UGT1A4: variants seen among roughly 807,000 people sequenced by gnomAD.
UGT1A4 encodes UDP glucuronosyltransferase family 1 member A4, also known as UDP-glucuronosyltransferase 1A4.
UGT1A4 carries 32 observed loss-of-function variants against 41.1 expected under a neutral mutation model. That is an observed-to-expected ratio of 0.78 (90% CI 0.59 to 1.05). UGT1A4 has a LOEUF of 1.05. Ranked by LOEUF, UGT1A4 falls within the 50% of genes least tolerant of loss-of-function variation. UGT1A4 has a pLI of 0.00. For missense variants in UGT1A4, 748 were observed against 677.4 expected (o/e 1.10, Z -1.16); for synonymous variants, 283 against 265.1 (o/e 1.07, Z -0.66).
chr2:233,732,561 G>A (rs1386480566), intron 1 of UGT1A4, among the ~76,000 whole-genome samples: 1 of 152,180 alleles, frequency 6.6e-6, no homozygotes, highest in African/African-American at 2.4e-5. Context: ...ATTAAATAAG[G>A]AATCCTTTCC....
rs574966930 is a variant in UGT1A4 at position 233,766,325 on chromosome 2, G to A, written c.868-709G>A. ...CCTCCGACTGCCTCAGCCAAACTCC[G>A]CGTTGTTCTGCTGGTCAGTGGCCTG... On this transcript the variant is annotated intron_variant, in intron 1 of 4. Coordinates refer to ENST00000373409, the MANE Select transcript of UGT1A4 (RefSeq NM_007120.3). Among the ~76,000 whole-genome samples the A allele has an allele frequency of 2.9e-4, 44 of 152,228 alleles. 1 individual carries two copies. The highest frequency in any genetic ancestry group is 4.6e-4 in the Admixed American group (7 of 15,302).
rs182680267 is a variant in UGT1A4, at chr2:233,718,965, C to T, written c.145C>T (p.Arg49Trp). 112 of 1,614,172 alleles carry T rather than the reference C, an allele frequency of 6.9e-5. No homozygotes were observed. Among genetic ancestry groups the T allele is most frequent in the African/African-American group, 6.7e-4 (50 of 75,026 alleles). The change falls in exon 1 of 5, where the codon CGG becomes TGG. Residue 49 changes from arginine (R) to tryptophan (W), a missense_variant. Arg to Trp is a moderately radical substitution (Grantham distance 101). Transcript: ENST00000373409. The stretch of plus-strand genomic sequence containing the variant: ...CTGGCTCAGCATGCGGGAGGCCTTG[C>T]GGGAGCTCCATGCCAGAGGCCACCA... ...SPWLSMREAL[R>W]ELHARGHQAV... is the part of the protein sequence containing the mutation.
Position 233,772,354 on chromosome 2 carries a change from T to C in UGT1A4, c.1400T>C (p.Met467Thr). 1 of 1,614,252 alleles carries C rather than the reference T, an allele frequency of 6.2e-7. No individual in the cohort carries two copies. The highest frequency in any genetic ancestry group is 8.5e-7 in the Non-Finnish European group (1 of 1,180,050). ...GCCGTGTTCTGGGTGGAGTTTGTGATGAGGCACAAGGGCGCGCCACACCTG... is the reference window on the plus strand; with the variant it reads ...GCCGTGTTCTGGGTGGAGTTTGTGACGAGGCACAAGGGCGCGCCACACCTG... ...DLAVFWVEFV[M>T]RHKGAPHLRP... Residue 467 changes from methionine to threonine, a missense_variant, in exon 5 of 5, where the codon ATG becomes ACG. Transcript: ENST00000373409.
rs763548038 is a variant in UGT1A4, at chr2:233,772,319, G to T, written c.1365G>T (p.Pro455=). Residue 455 remains proline, a synonymous_variant, in exon 5 of 5, where the codon CCG becomes CCT. Coordinates refer to ENST00000373409, the MANE Select transcript of UGT1A4 (RefSeq NM_007120.3). ...SSLHKDRPVE[P]LDLAVFWVEF... ...TTCACAAGGACCGCCCGGTGGAGCC[G>T]CTGGACCTGGCCGTGTTCTGGGTGG... 6.2e-7 allele frequency: 1 copy of T among 1,614,164 alleles called. No homozygotes were observed. The highest frequency in any genetic ancestry group is 8.5e-7 in the Non-Finnish European group (1 of 1,180,030).
At chr2:233,757,558 A>ATATATATATATG (rs1553619909) in intron 1 of UGT1A4, among the ~76,000 whole-genome samples, 2 of 124,446 alleles carry the variant, frequency 1.6e-5, no homozygotes, top group East Asian at 4.2e-4. Context: ...ATATATATAT[A>ATATATATATATG]TATGTATATA....
rs370790922 is a variant in UGT1A4 at position 233,760,312 on chromosome 2, C to T, written c.868-6722C>T. ...CATGGCTGTGGAGTCCCAGGGCGGACGCCCACTTGTCCTGGGCCTGCTGCT... is the reference window on the plus strand; with the variant it reads ...CATGGCTGTGGAGTCCCAGGGCGGATGCCCACTTGTCCTGGGCCTGCTGCT... On this transcript the variant is annotated intron_variant, in intron 1 of 4. Coordinates refer to ENST00000373409, the MANE Select transcript of UGT1A4 (RefSeq NM_007120.3). 93 of 1,613,694 alleles carry T rather than the reference C, an allele frequency of 5.8e-5. No individual in the cohort carries two copies. Among genetic ancestry groups the T allele is most frequent in the South Asian group, 2.2e-5 (2 of 91,058 alleles).
At chr2:233,724,803 C>G (rs1387288842) in intron 1 of UGT1A4, among the ~76,000 whole-genome samples, 1 of 138,308 alleles carries the variant, frequency 7.2e-6, no homozygotes, top group Non-Finnish European at 1.5e-5. Flanking sequence ...GGGTGGCGGC[C>G]GGGCAGAGGC....
Position 233,740,185 on chromosome 2 carries a change from CCT to C in UGT1A4, c.867+20501_867+20502del, listed in dbSNP as rs573081380. On this transcript the variant is annotated intron_variant, in intron 1 of 4. Transcript: ENST00000373409. ...CATGTGGAACTGTGAGTCAATTAAA[CCT>C]CTTTCTTTTATAAATTACCCAGTCT... Among the ~76,000 whole-genome samples, 45 of 151,974 alleles carry C rather than the reference CCT, an allele frequency of 3.0e-4. 2 individuals are homozygous for C. Among genetic ancestry groups the C allele is most frequent in the African/African-American group, 9.9e-4 (41 of 41,240 alleles).
intron 4 of UGT1A4, chr2:233,771,569 G>A (rs1337987311): frequency 6.6e-6 from 1 of 152,150 alleles, no homozygotes; most frequent in Non-Finnish European, 1.5e-5. Flanking sequence ...GGCCAGAGGT[G>A]GTTGTTTACA....
rs775904501 is a variant in UGT1A4 at position 233,719,407 on chromosome 2, A to G, written c.587A>G (p.Lys196Arg). The G allele has an allele frequency of 6.8e-6, 11 of 1,613,816 alleles. No homozygotes were observed. The highest frequency in any genetic ancestry group is 5.3e-5 in the African/African-American group (4 of 74,906). Residue 196 changes from lysine to arginine, a missense_variant, in exon 1 of 5, where the codon AAG becomes AGG. Lys to Arg is a conservative substitution (Grantham distance 26). Coordinates refer to ENST00000373409, the MANE Select transcript of UGT1A4 (RefSeq NM_007120.3). ...QCPNPSSYIP[K>R]LLTTNSDHMT... Reference sequence around the variant, plus strand: ...CCAAATCCTTCCTCCTATATTCCTAAGTTACTAACGACCAATTCAGACCAC... The same window carrying G: ...CCAAATCCTTCCTCCTATATTCCTAGGTTACTAACGACCAATTCAGACCAC...
chr2:233,724,264 C>T (rs1250827727), intron 1 of UGT1A4, among the ~76,000 whole-genome samples: 29 of 116,506 alleles, frequency 2.5e-4, no homozygotes, highest in African/African-American at 4.8e-4. Flanking sequence ...ACCTCCCGGA[C>T]GGGGCGGCTG....
At chr2:233,760,859 C>T in intron 1 of UGT1A4, 1 of 1,614,112 alleles carries the variant, frequency 6.2e-7, no homozygotes, top group Non-Finnish European at 8.5e-7. Context: ...AACCCATTCT[C>T]CTACGTGCCC....
intron 1 of UGT1A4, chr2:233,747,109 G>A: frequency 7.1e-7 from 1 of 1,400,096 alleles, no homozygotes; most frequent in Non-Finnish European, 9.7e-7. Context: ...CCAATTACAT[G>A]ATGATTTGCT....
At chr2:233,736,318 T>G (rs1275483454) in intron 1 of UGT1A4, among the ~76,000 whole-genome samples, 1 of 152,256 alleles carries the variant, frequency 6.6e-6, no homozygotes, top group Non-Finnish European at 1.5e-5. Flanking sequence ...TTGAATTTTG[T>G]GCATGTGTTA....
intron 1 of UGT1A4, among the ~76,000 whole-genome samples, chr2:233,744,790 T>C (rs989648069): frequency 6.6e-5 from 10 of 152,048 alleles, no homozygotes; most frequent in Admixed American, 2.6e-4. Flanking sequence ...TGAAAAATTC[T>C]TGGGGATCCC....
In UGT1A4 at chr2:233,719,166, A is replaced by G. The variant is rs569258363; in HGVS notation, c.346A>G (p.Ile116Val). ...GAAGAGATATTCTAGAAGTATGGCAATTATGAACAATGTATCTTTGGCCCT... is the reference window on the plus strand; with the variant it reads ...GAAGAGATATTCTAGAAGTATGGCAGTTATGAACAATGTATCTTTGGCCCT... Reference protein sequence around the residue: ...LLKRYSRSMAIMNNVSLALHR... With the variant: ...LLKRYSRSMAVMNNVSLALHR... Residue 116 changes from isoleucine to valine, a missense_variant, in exon 1 of 5, where the codon ATT (isoleucine) becomes GTT (valine). Physicochemically the swap from Ile to Val is conservative, Grantham distance 29. Coordinates refer to ENST00000373409, the MANE Select transcript of UGT1A4 (RefSeq NM_007120.3). 6.2e-7 allele frequency: 1 copy of G among 1,614,266 alleles called. No homozygotes were observed. The highest frequency in any genetic ancestry group is 2.2e-5 in the East Asian group (1 of 44,890).
intron 1 of UGT1A4, chr2:233,729,425 A>G (rs1461557828): frequency 6.2e-7 from 1 of 1,613,834 alleles, no homozygotes. Flanking sequence ...ACTCAACTGT[A>G]CTTTGAAACA....
intron 1 of UGT1A4, chr2:233,756,286 A>G (rs1696165566): frequency 6.6e-6 from 1 of 152,218 alleles, no homozygotes; most frequent in African/African-American, 2.4e-5. Flanking sequence ...ATAAAATGAC[A>G]CAGTATTTGT....
intron 1 of UGT1A4, among the ~76,000 whole-genome samples, chr2:233,761,819 C>T (rs1222575733): frequency 6.6e-6 from 1 of 152,192 alleles, no homozygotes; most frequent in East Asian, 1.9e-4. Flanking sequence ...AGGAGAGGCT[C>T]CTTCAGATGG....
Sources: allele counts gnomAD v4.1 joint callset (sites outside exome capture counted in the v4.1 genomes callset), GRCh38; gene constraint gnomAD v4.1.1; transcripts MANE v1.5; gene names NCBI Gene and HGNC (gene_info 2026-07-23, HGNC 2026-07-21).